LDHC: variants seen among roughly 807,000 people sequenced by gnomAD.
The protein encoded by LDHC is lactate dehydrogenase C.
A neutral mutation model predicts 30.2 loss-of-function variants in LDHC; 20 were observed. That is an observed-to-expected ratio of 0.66 (90% CI 0.47 to 0.96). The LOEUF is 0.96. Ranked by LOEUF, LDHC falls within the 40% of genes least tolerant of loss-of-function variation. The probability of loss-of-function intolerance (pLI) is 0.00; values close to 1 mark genes in which losing one functional copy is unlikely to be tolerated. For missense variants in LDHC, 362 were observed against 394.9 expected, an observed-to-expected ratio of 0.92 and a Z score of 0.71; for synonymous variants, 139 against 132.7, an observed-to-expected ratio of 1.05 and a Z score of -0.32.
intron 6 of LDHC, among the ~76,000 whole-genome samples, chr11:18,441,640 G>A (rs1043655705): frequency 6.7e-6 from 1 of 149,352 alleles, no homozygotes; most frequent in South Asian, 2.2e-4. Flanking sequence ...GGGCGTGGTG[G>A]CTCATGCCTG....
chr11:18,429,325 A>G (rs1378091395), intron 3 of LDHC, among the ~76,000 whole-genome samples: 1 of 151,738 alleles, frequency 6.6e-6, no homozygotes, highest in African/African-American at 2.4e-5. Flanking sequence ...GTTGGCCAAG[A>G]TGGTCTTGAT....
At chr11:18,439,461 G>A (rs1483552781) in intron 6 of LDHC, among the ~76,000 whole-genome samples, 1 of 150,880 alleles carries the variant, frequency 6.6e-6, no homozygotes, top group East Asian at 1.9e-4. Flanking sequence ...TACTTGGGAG[G>A]CTGAGGCAGG....
intron 6 of LDHC, among the ~76,000 whole-genome samples, chr11:18,444,792 A>C (rs1033515079): frequency 1.3e-5 from 2 of 151,748 alleles, no homozygotes; most frequent in African/African-American, 4.8e-5. Context: ...AAATAAACTT[A>C]GTGCTAAATT....
chr11:18,443,294 T>G (rs112440395), intron 6 of LDHC, among the ~76,000 whole-genome samples: 30 of 152,192 alleles, frequency 2.0e-4, no homozygotes, highest in African/African-American at 7.0e-4. Context: ...TGGAGGCACA[T>G]CCATACCCCC....
At chr11:18,412,525 T>C in intron 1 of LDHC, 117 bp downstream of exon 1, 1 of 534,360 alleles carries the variant, frequency 1.9e-6, no homozygotes, top group Non-Finnish European at 3.3e-6. Flanking sequence ...AAAAGCCCGC[T>C]GGTGCCCCAG....
intron 6 of LDHC, among the ~76,000 whole-genome samples, chr11:18,444,300 C>T (rs1031210782): frequency 6.6e-6 from 1 of 151,916 alleles, no homozygotes; most frequent in Non-Finnish European, 1.5e-5. Flanking sequence ...TTTATTAATA[C>T]CTGAGAGGAT....
Position 18,429,774 on chromosome 11 carries a change from C to A in LDHC, c.282C>A (p.Val94=). The change falls in exon 4 of 8, where the codon GTC becomes GTA. Residue 94 remains valine, a synonymous_variant. Transcript: ENST00000541669. The part of the protein sequence containing the change: ...SVSANSRIVI[V]TAGARQQEGE... ...CTGCAAACTCCAGAATAGTTATTGTCACAGCAGGTGCAAGGCAGCAGGAGG... is the reference window on the plus strand; with the variant it reads ...CTGCAAACTCCAGAATAGTTATTGTAACAGCAGGTGCAAGGCAGCAGGAGG... 3 of 1,611,610 alleles carry A rather than the reference C, an allele frequency of 1.9e-6. No individual in the cohort carries two copies. Among genetic ancestry groups the A allele is most frequent in the Non-Finnish European group, 2.5e-6 (3 of 1,178,330 alleles).
At chr11:18,439,170 A>G (rs1848411671) in intron 6 of LDHC, among the ~76,000 whole-genome samples, 1 of 152,218 alleles carries the variant, frequency 6.6e-6, no homozygotes, top group Non-Finnish European at 1.5e-5. Context: ...TTTCTTATAA[A>G]TGAAGCATCT....
chr11:18,421,814 G>A (rs1848059367), intron 3 of LDHC, among the ~76,000 whole-genome samples: 2 of 152,118 alleles, frequency 1.3e-5, no homozygotes, highest in Non-Finnish European at 2.9e-5. Flanking sequence ...GCTAACAAAA[G>A]AACAGAAACC....
At chr11:18,415,445 G>GT in intron 3 of LDHC, 144 bp downstream of exon 3, 3 of 554,530 alleles carry the variant, frequency 5.4e-6, no homozygotes, top group Admixed American at 3.3e-5. Flanking sequence ...AATTTTTTTT[G>GT]TTTTTTGAGA....
At chr11:18,424,389 A>C (rs946082795) in intron 3 of LDHC, among the ~76,000 whole-genome samples, 4 of 151,970 alleles carry the variant, frequency 2.6e-5, no homozygotes, top group South Asian at 2.1e-4. Flanking sequence ...CTCAAAAAAA[A>C]ACAAAAAAAC....
chr11:18,412,741 A>G lies in LDHC; in HGVS notation c.24A>G (p.Leu8=). The G allele has an allele frequency of 6.2e-7, 1 of 1,613,876 alleles. No homozygotes were observed. The highest frequency in any genetic ancestry group is 2.2e-5 in the East Asian group (1 of 44,878). MSTVKEQ[L]IEKLIEDDEN... ...AAATGTCAACTGTCAAGGAGCAGCT[A>G]ATTGAGAAGCTAATTGAGGATGATG... The change falls in exon 2 of 8, where the codon CTA becomes CTG. Residue 8 remains leucine, a synonymous_variant. Coordinates refer to ENST00000541669, the MANE Select transcript of LDHC (RefSeq NM_017448.5).
At chr11:18,444,009 CTT>C (rs1848508539) in intron 6 of LDHC, among the ~76,000 whole-genome samples, 1 of 152,130 alleles carries the variant, frequency 6.6e-6, no homozygotes, top group Non-Finnish European at 1.5e-5. Flanking sequence ...CTACTCAGCT[CTT>C]TTTACACAAC....
intron 4 of LDHC, among the ~76,000 whole-genome samples, chr11:18,434,386 T>G (rs1848321030): frequency 1.3e-5 from 2 of 152,152 alleles, no homozygotes; most frequent in Admixed American, 1.3e-4. Context: ...TTGACGAGCC[T>G]TCTTTTGTTA....
intron 3 of LDHC, among the ~76,000 whole-genome samples, chr11:18,428,166 C>CTTTT (rs35861956): frequency 0.01 from 973 of 94,838 alleles, 22 homozygotes; most frequent in African/African-American, 0.013. Context: ...CTTTCTCTCT[C>CTTTT]TTTTTTTTTT....
intron 1 of LDHC, 135 bp from the exon 2 acceptor site, chr11:18,412,574 T>C (rs1866911439): frequency 1.3e-6 from 1 of 769,590 alleles, no homozygotes; most frequent in Non-Finnish European, 2.1e-6. Context: ...TGCTTTACCC[T>C]CCCCGCATCC....
rs35861956 is a variant in LDHC, at chr11:18,428,166, C to CTTTTTTTT, written c.245-1555_245-1548dup. ...CATTTTCTTTTCTTTCTTTCTCTCT[C>CTTTTTTTT]TTTTTTTTTTTTTTTTTTTTTTTGA... is the stretch of plus-strand genomic sequence containing the variant. On this transcript the variant is annotated intron_variant, in intron 3 of 7. Transcript: ENST00000541669. 3.1e-4 allele frequency among the ~76,000 whole-genome samples: 29 copies of CTTTTTTTT among 94,840 alleles called. 1 individual carries two copies. The highest frequency in any genetic ancestry group is 8.2e-4 in the Admixed American group (6 of 7,344). The allele number at this position is 94,840 out of a possible 152,430, so 62.2% of individuals were successfully genotyped here.
chr11:18,449,893 T>G (rs1590238688), intron 7 of LDHC, among the ~76,000 whole-genome samples: 1 of 152,124 alleles, frequency 6.6e-6, no homozygotes, highest in African/African-American at 2.4e-5. Context: ...CCCTCTTCCT[T>G]CAACGCCATT....
intron 7 of LDHC, 66 bp from the exon 8 acceptor site, chr11:18,450,896 GA>G (rs1199930085): frequency 1.7e-6 from 2 of 1,179,472 alleles, no homozygotes; most frequent in African/African-American, 3.2e-5. Context: ...CTCTCATTTT[GA>G]TGCCCTTTTG....
Sources: allele counts gnomAD v4.1 joint callset (sites outside exome capture counted in the v4.1 genomes callset), GRCh38; gene constraint gnomAD v4.1.1; transcripts MANE v1.5; gene names NCBI Gene and HGNC (gene_info 2026-07-23, HGNC 2026-07-21).